DTD1: variants seen among roughly 807,000 people sequenced by gnomAD.
DTD1 encodes D-aminoacyl-tRNA deacylase 1, also known as D-tyrosyl-tRNA deacylase 1 homolog.
In DTD1, 13 loss-of-function variants were observed where a neutral mutation model predicts 25.6. The observed-to-expected ratio is 0.51, with a 90% CI of 0.33 to 0.81. DTD1 has a LOEUF of 0.81. Among genes scored for constraint, DTD1 ranks in the 30% least tolerant of loss-of-function variants. DTD1 has a pLI of 0.02. For missense variants in DTD1, 193 were observed against 266.4 expected (o/e 0.72, Z 1.92); for synonymous variants, 110 against 103.6 (o/e 1.06, Z -0.37).
intron 3 of DTD1, among the ~76,000 whole-genome samples, chr20:18,614,944 T>G (rs2060703286): frequency 1.3e-5 from 2 of 151,568 alleles, no homozygotes. Flanking sequence ...CCCCTACTCC[T>G]CCCAACTTCT....
At chr20:18,717,879 A>G (rs917859309) in intron 4 of DTD1, among the ~76,000 whole-genome samples, 2 of 152,190 alleles carry the variant, frequency 1.3e-5, no homozygotes, top group Admixed American at 1.3e-4. Flanking sequence ...GTGGATGTGG[A>G]GAAATTAGTT....
At chr20:18,661,956 A>G (rs1194489854) in intron 4 of DTD1, among the ~76,000 whole-genome samples, 1 of 152,156 alleles carries the variant, frequency 6.6e-6, no homozygotes, top group African/African-American at 2.4e-5. Flanking sequence ...GTTTGAGACC[A>G]GCCTGGGCAA....
chr20:18,632,287 A>T, intron 4 of DTD1: 1 of 985,452 alleles, frequency 1.0e-6, no homozygotes, highest in Non-Finnish European at 1.2e-6. Flanking sequence ...CCTCAAATAC[A>T]CAAATTGTCT....
intron 4 of DTD1, among the ~76,000 whole-genome samples, chr20:18,644,704 AC>A (rs534280846): frequency 1.2e-3 from 176 of 152,332 alleles, no homozygotes; most frequent in Middle Eastern, 3.4e-3. Context: ...GTGAGATGAG[AC>A]ATCCATTCAG....
At chr20:18,748,174 TACACACACACAC>T (rs11467996) in intron 5 of DTD1, among the ~76,000 whole-genome samples, 1 of 150,204 alleles carries the variant, frequency 6.7e-6, no homozygotes, top group African/African-American at 2.4e-5. Flanking sequence ...CTGGCACGCA[TACACACACACAC>T]ACACACACAC....
At chr20:18,641,267 A>G (rs906698467) in intron 4 of DTD1, among the ~76,000 whole-genome samples, 2 of 152,104 alleles carry the variant, frequency 1.3e-5, no homozygotes, top group African/African-American at 4.8e-5. Context: ...GGTTGTTTCC[A>G]CTTTTTCATT....
intron 4 of DTD1, among the ~76,000 whole-genome samples, chr20:18,678,057 C>T (rs1051293013): frequency 2.0e-5 from 3 of 152,160 alleles, no homozygotes; most frequent in African/African-American, 7.2e-5. Flanking sequence ...GAATATTGCC[C>T]AATTTAGTTG....
chr20:18,609,823 G>A (rs1600315807), intron 3 of DTD1, among the ~76,000 whole-genome samples: 1 of 152,282 alleles, frequency 6.6e-6, no homozygotes, highest in Non-Finnish European at 1.5e-5. Context: ...TCCAAATTTA[G>A]AACTCCATTT....
chr20:18,685,186 G>A (rs991207682), intron 4 of DTD1, among the ~76,000 whole-genome samples: 2 of 152,172 alleles, frequency 1.3e-5, no homozygotes, highest in Non-Finnish European at 2.9e-5. Flanking sequence ...ATTGCACCCA[G>A]CCACAAACAG....
At chr20:18,630,512 A>C (rs2060781955) in intron 4 of DTD1, 1 of 151,972 alleles carries the variant, frequency 6.6e-6, no homozygotes, top group African/African-American at 2.4e-5. Flanking sequence ...GGCACGTGCC[A>C]CCATGCCCGG....
At chr20:18,744,597 T>C (rs1356369269) in intron 5 of DTD1, among the ~76,000 whole-genome samples, 1 of 128,814 alleles carries the variant, frequency 7.8e-6, no homozygotes, top group Non-Finnish European at 1.6e-5. Flanking sequence ...AGTATAAGGG[T>C]CAAGCACTCC....
intron 3 of DTD1, among the ~76,000 whole-genome samples, chr20:18,623,865 CAAG>C (rs549728899): frequency 1.4e-3 from 128 of 91,032 alleles, no homozygotes; most frequent in African/African-American, 4.2e-3. Flanking sequence ...ACAGTACTTA[CAAG>C]AAGAACTGTG....
At chr20:18,692,057 T>C (rs1450553722) in intron 4 of DTD1, 1 of 152,184 alleles carries the variant, frequency 6.6e-6, no homozygotes, top group Non-Finnish European at 1.5e-5. Flanking sequence ...TACTTACAAC[T>C]TAGGGCACAA....
chr20:18,590,971 G>A (rs1266680245), intron 1 of DTD1, among the ~76,000 whole-genome samples: 4 of 152,178 alleles, frequency 2.6e-5, no homozygotes, highest in Non-Finnish European at 4.4e-5. Context: ...GTTTAACTAG[G>A]TTAACTTCAA....
At chr20:18,665,927 C>A (rs2060929857) in intron 4 of DTD1, among the ~76,000 whole-genome samples, 1 of 152,116 alleles carries the variant, frequency 6.6e-6, no homozygotes, top group Non-Finnish European at 1.5e-5. Flanking sequence ...CAGCTGCCCC[C>A]ACTGTTACCC....
At chr20:18,660,338 G>GCCTC (rs1345818203) in intron 4 of DTD1, among the ~76,000 whole-genome samples, 1 of 152,136 alleles carries the variant, frequency 6.6e-6, no homozygotes, top group Non-Finnish European at 1.5e-5. Flanking sequence ...TCCCATCCTA[G>GCCTC]CCTCCTGAGT....
intron 4 of DTD1, among the ~76,000 whole-genome samples, chr20:18,642,173 T>C (rs1174002757): frequency 6.6e-6 from 1 of 152,180 alleles, no homozygotes; most frequent in Non-Finnish European, 1.5e-5. Context: ...ATTAGTATCT[T>C]TCCTGCAAAC....
chr20:18,683,567 C>T (rs1237217030), intron 4 of DTD1, among the ~76,000 whole-genome samples: 1 of 152,128 alleles, frequency 6.6e-6, no homozygotes, highest in Non-Finnish European at 1.5e-5. Flanking sequence ...ATGAGCTGTG[C>T]CCTAAGCTTC....
intron 4 of DTD1, chr20:18,675,092 G>A (rs1174489232): frequency 6.6e-6 from 1 of 152,232 alleles, no homozygotes; most frequent in Admixed American, 6.5e-5. Flanking sequence ...CTGTAATTTG[G>A]ACAGGCAGGA....
Sources: allele counts gnomAD v4.1 joint callset (sites outside exome capture counted in the v4.1 genomes callset), GRCh38; gene constraint gnomAD v4.1.1; transcripts MANE v1.5; gene names NCBI Gene and HGNC (gene_info 2026-07-23, HGNC 2026-07-21).